GRM5: variants seen among roughly 807,000 people sequenced by gnomAD.
The protein encoded by GRM5 is metabotropic glutamate receptor 5.
GRM5 carries 19 observed loss-of-function variants against 83.1 expected under a neutral mutation model. That is an observed-to-expected ratio of 0.23 (90% CI 0.16 to 0.34). GRM5 has a LOEUF of 0.34. GRM5 is among the 10% of genes least tolerant of loss of function. The pLI, the probability that GRM5 is intolerant of heterozygous loss-of-function variation, is 1.00. For missense variants in GRM5, 1,160 were observed against 1,588.3 expected, an observed-to-expected ratio of 0.73 and a Z score of 4.58; for synonymous variants, 675 against 633.6, an observed-to-expected ratio of 1.07 and a Z score of -0.98.
chr11:88,711,597 A>G (rs1941280991), intron 3 of GRM5, among the ~76,000 whole-genome samples: 1 of 152,104 alleles, frequency 6.6e-6, no homozygotes, highest in Non-Finnish European at 1.5e-5. Flanking sequence ...CTAAGTAACC[A>G]TAAACAAGTC....
chr11:88,563,963 G>A (rs11020428), intron 8 of GRM5, among the ~76,000 whole-genome samples: 1 of 152,188 alleles, frequency 6.6e-6, no homozygotes, highest in Non-Finnish European at 1.5e-5. Context: ...GGAAGCCATA[G>A]AGGAAAGGAA....
At chr11:88,984,986 C>G (rs1939655387) in intron 2 of GRM5, 1 of 522,740 alleles carries the variant, frequency 1.9e-6, no homozygotes, top group Admixed American at 3.7e-5. Context: ...TATCATCAAT[C>G]TGGTACTCAA....
At chr11:88,677,339 A>G (rs1056879141) in intron 3 of GRM5, among the ~76,000 whole-genome samples, 1 of 152,088 alleles carries the variant, frequency 6.6e-6, no homozygotes, top group Admixed American at 6.6e-5. Flanking sequence ...CAACCAGAGT[A>G]ATTCTTCTCT....
chr11:88,634,283 A>G (rs993978607), intron 4 of GRM5, among the ~76,000 whole-genome samples: 1 of 152,180 alleles, frequency 6.6e-6, no homozygotes. Context: ...TTTATAAAAA[A>G]TATTATTTTT....
chr11:88,990,297 C>T (rs1939919587), intron 2 of GRM5, among the ~76,000 whole-genome samples: 1 of 152,042 alleles, frequency 6.6e-6, no homozygotes, highest in Admixed American at 6.6e-5. Flanking sequence ...ATACACTTTC[C>T]CAAGACTAAA....
At chr11:88,895,092 T>G (rs1237388382) in intron 2 of GRM5, among the ~76,000 whole-genome samples, 1 of 151,964 alleles carries the variant, frequency 6.6e-6, no homozygotes, top group Non-Finnish European at 1.5e-5. Flanking sequence ...TTAGTGTAAA[T>G]TTGAAGCAGA....
chr11:88,747,594 C>T (rs1276442439), intron 3 of GRM5, among the ~76,000 whole-genome samples: 2 of 151,968 alleles, frequency 1.3e-5, no homozygotes, highest in African/African-American at 2.4e-5. Context: ...AGTAGTTCTT[C>T]CTTATCTAAC....
At chr11:88,800,210 G>A (rs892613915) in intron 3 of GRM5, among the ~76,000 whole-genome samples, 15 of 152,098 alleles carry the variant, frequency 9.9e-5, no homozygotes, top group African/African-American at 9.7e-5. Context: ...AGGGCAAATT[G>A]CCAAAGTTGC....
chr11:88,640,823 T>C (rs1362292344), intron 4 of GRM5, among the ~76,000 whole-genome samples: 1 of 152,144 alleles, frequency 6.6e-6, no homozygotes, highest in East Asian at 1.9e-4. Context: ...CCTGGGTGCA[T>C]CATCCTCAGG....
intron 8 of GRM5, among the ~76,000 whole-genome samples, chr11:88,566,646 G>A (rs1942882178): frequency 1.3e-5 from 2 of 152,146 alleles, no homozygotes; most frequent in Admixed American, 1.3e-4. Context: ...CGAGTTCTTG[G>A]CATTTTGCTC....
chr11:88,875,121 A>G (rs1944830219), intron 2 of GRM5, among the ~76,000 whole-genome samples: 1 of 151,306 alleles, frequency 6.6e-6, no homozygotes, highest in African/African-American at 2.4e-5. Flanking sequence ...GTAGCATATA[A>G]TGCTGTTGGA....
At chr11:89,043,979 A>G (rs1285149707) in intron 2 of GRM5, among the ~76,000 whole-genome samples, 1 of 152,140 alleles carries the variant, frequency 6.6e-6, no homozygotes, top group Non-Finnish European at 1.5e-5. Flanking sequence ...CATGAAAGTA[A>G]AAGGGAATTA....
At chr11:88,865,643 A>C (rs928044724) in intron 2 of GRM5, among the ~76,000 whole-genome samples, 1 of 151,858 alleles carries the variant, frequency 6.6e-6, no homozygotes, top group African/African-American at 2.4e-5. Flanking sequence ...ATGGGAGAAA[A>C]GTTTTGCAAT....
At chr11:88,541,144 G>T (rs771762566) in intron 8 of GRM5, among the ~76,000 whole-genome samples, 4 of 152,126 alleles carry the variant, frequency 2.6e-5, no homozygotes, top group Non-Finnish European at 5.9e-5. Context: ...AATCACACAT[G>T]ATTACAACAG....
intron 3 of GRM5, among the ~76,000 whole-genome samples, chr11:88,819,916 A>G (rs12280186): frequency 0.025 from 3,858 of 152,092 alleles, 172 homozygotes; most frequent in African/African-American, 0.089. Flanking sequence ...TTTTTACTAG[A>G]AGCCCACTCC....
rs1944932813 is a variant in GRM5, at chr11:88,880,393, T to TGAGCC, written c.662-30239_662-30238insGGCTC. Among the ~76,000 whole-genome samples, 3 of 152,298 alleles carry TGAGCC rather than the reference T, an allele frequency of 2.0e-5. No homozygotes were observed. In the South Asian group the frequency reaches 6.2e-4, roughly 32 times the overall value. ...ACATTTTGTATATTTCTCTAACTCA[T>TGAGCC]ATTATTCATTCATTCTACCAATATG... On this transcript the variant is annotated intron_variant, in intron 2 of 9. Coordinates refer to ENST00000305447, the MANE Select transcript of GRM5 (RefSeq NM_001143831.3).
At chr11:88,583,562 T>C (rs1345913518) in intron 7 of GRM5, among the ~76,000 whole-genome samples, 1 of 152,234 alleles carries the variant, frequency 6.6e-6, no homozygotes, top group East Asian at 1.9e-4. Context: ...CAGGCTATTT[T>C]TGCTCTTTCC....
At chr11:88,547,098 A>C (rs1364050147) in intron 8 of GRM5, among the ~76,000 whole-genome samples, 1 of 152,210 alleles carries the variant, frequency 6.6e-6, no homozygotes, top group East Asian at 1.9e-4. Flanking sequence ...ATCTGATTAA[A>C]AATGGGTAAA....
intron 2 of GRM5, among the ~76,000 whole-genome samples, chr11:88,948,862 G>A (rs1227969702): frequency 6.6e-6 from 1 of 152,138 alleles, no homozygotes; most frequent in Admixed American, 6.6e-5. Flanking sequence ...AGGAAGAAGA[G>A]CAATTAAAGG....
Sources: allele counts gnomAD v4.1 joint callset (sites outside exome capture counted in the v4.1 genomes callset), GRCh38; gene constraint gnomAD v4.1.1; transcripts MANE v1.5; gene names NCBI Gene and HGNC (gene_info 2026-07-23, HGNC 2026-07-21).